The following SEC61A2 variants were observed in gnomAD, a reference collection of about 807,000 sequenced individuals.
The protein encoded by SEC61A2 is SEC61 translocon subunit alpha 2.
In SEC61A2, 28 loss-of-function variants were observed where a neutral mutation model predicts 59.9. The ratio of observed to expected loss-of-function variants is 0.47; its 90% CI spans 0.35 to 0.64. The LOEUF (loss-of-function observed/expected upper bound fraction) is 0.64, where lower values mean the gene tolerates loss of function less well. Among genes scored for constraint, SEC61A2 ranks in the 30% least tolerant of loss-of-function variants. The pLI is 0.01. For missense variants in SEC61A2, 340 were observed against 585.9 expected (o/e 0.58, Z 4.33); for synonymous variants, 202 against 214.4 (o/e 0.94, Z 0.50).
Position 12,149,583 on chromosome 10 carries a change from C to T in SEC61A2, c.221-12C>T, listed in dbSNP as rs539649415. On this transcript the variant is annotated splice_polypyrimidine_tract_variant and intron_variant, in intron 4 of 11. Transcript: ENST00000298428. This position sits in a 1 kb window ranked among gnomAD's most constrained non-coding sequence, Gnocchi z 5.2. The stretch of plus-strand genomic sequence containing the variant: ...AGCAAACATTGCACACTTCTCTCCC[C>T]TTCCTTTCCAGGAACTTTAATGGAA... 12 of 1,597,160 alleles carry T rather than the reference C, an allele frequency of 7.5e-6. No homozygotes were observed. The South Asian group carries it at 8.0e-5, about 11-fold the overall frequency.
intron 4 of SEC61A2, among the ~76,000 whole-genome samples, chr10:12,147,227 C>A (rs144721519): frequency 6.1e-4 from 93 of 152,262 alleles, no homozygotes; most frequent in Admixed American, 1.6e-3. Flanking sequence ...TGCCTTTTGC[C>A]ACGTGGAAGT....
intron 4 of SEC61A2, among the ~76,000 whole-genome samples, chr10:12,147,520 A>T (rs1171914607): frequency 6.6e-6 from 1 of 152,066 alleles, no homozygotes; most frequent in Admixed American, 6.6e-5. Flanking sequence ...CCCCATCTCT[A>T]CCAAAAATAC....
chr10:12,131,750 G>A (rs1833743944), intron 1 of SEC61A2, among the ~76,000 whole-genome samples: 1 of 131,806 alleles, frequency 7.6e-6, no homozygotes, highest in Non-Finnish European at 1.6e-5. Flanking sequence ...GAGTGCAATG[G>A]CTCCATCCGG....
At position 12,164,230 on chromosome 10, in the gene SEC61A2, G is replaced by T. The variant is rs1834608616; in HGVS notation, c.1245-38G>T. On this transcript the variant is annotated intron_variant, in intron 11 of 11. Transcript: ENST00000298428. The surrounding 1 kb of genome is among the most constrained non-coding windows in gnomAD (Gnocchi z 7.3). The stretch of plus-strand genomic sequence containing the variant: ...GTCTCTAGCTGCCGTGCTGTTCCTG[G>T]TCTCTGCTGCCGCCTAACTTGGGGT... The T allele has an allele frequency of 1.9e-6, 3 of 1,608,614 alleles. No individual in the cohort carries two copies. The highest frequency in any genetic ancestry group is 8.5e-7 in the Non-Finnish European group (1 of 1,178,840).
intron 2 of SEC61A2, among the ~76,000 whole-genome samples, chr10:12,133,810 A>G (rs1328098148): frequency 6.6e-6 from 1 of 152,224 alleles, no homozygotes; most frequent in Non-Finnish European, 1.5e-5. Flanking sequence ...AGATATTGTG[A>G]CTGGGTCAAA....
rs1018430364 is a variant in SEC61A2, at chr10:12,152,437, T to C, written c.462+2476T>C. ...TTTGGAAGCTTTCTGATCCCCAGTG[T>C]GTTCGCATTTGGTAGAAGATACGTT... On this transcript the variant is annotated intron_variant, in intron 6 of 11. Transcript: ENST00000298428. This position sits in a 1 kb window ranked among gnomAD's most constrained non-coding sequence, Gnocchi z 5.5. Among the ~76,000 whole-genome samples, 3 of 152,184 alleles carry C rather than the reference T, an allele frequency of 2.0e-5. No individual in the cohort carries two copies. The highest frequency in any genetic ancestry group is 4.4e-5 in the Non-Finnish European group (3 of 68,032).
At position 12,150,017 on chromosome 10, in the gene SEC61A2, C is replaced by T. The variant is rs574751734; in HGVS notation, c.462+56C>T. 9 of 1,189,960 alleles carry T rather than the reference C, an allele frequency of 7.6e-6. No homozygotes were observed. The East Asian group carries it at 1.2e-4, about 16-fold the overall frequency. The allele number at this position is 1,189,960 out of a possible 1,614,324, so 73.7% of individuals were successfully genotyped here. On this transcript the variant is annotated intron_variant, in intron 6 of 11. Coordinates refer to ENST00000298428, the MANE Select transcript of SEC61A2 (RefSeq NM_018144.4). ...AACAAAACAGTTTGATTCCTTTTTC[C>T]TTTTCTAACAGTTCTTTAGGTGATT...
Position 12,149,999 on chromosome 10 carries a change from C to A in SEC61A2, c.462+38C>A. On this transcript the variant is annotated intron_variant, in intron 6 of 11. Coordinates refer to ENST00000298428, the MANE Select transcript of SEC61A2 (RefSeq NM_018144.4). The surrounding 1 kb of genome is among the most constrained non-coding windows in gnomAD (Gnocchi z 5.2). ...ATATTTTCCTATGCAGATAACAAAACAGTTTGATTCCTTTTTCCTTTTCTA... is the reference window on the plus strand; with the variant it reads ...ATATTTTCCTATGCAGATAACAAAAAAGTTTGATTCCTTTTTCCTTTTCTA... The A allele has an allele frequency of 7.4e-7, 1 of 1,350,796 alleles. No homozygotes were observed. The highest frequency in any genetic ancestry group is 1.4e-5 in the African/African-American group (1 of 69,684). 83.7% of individuals were successfully genotyped at this position (1,350,796 alleles called of 1,614,324 possible).
At chr10:12,151,010 C>G (rs1834259069) in intron 6 of SEC61A2, among the ~76,000 whole-genome samples, 2 of 151,730 alleles carry the variant, frequency 1.3e-5, no homozygotes, top group African/African-American at 2.4e-5. Flanking sequence ...CTCCTGACCT[C>G]GTGATTCGCC....
At position 12,133,175 on chromosome 10, in the gene SEC61A2, T is replaced by C. The variant is rs1833802357; in HGVS notation, c.8-66T>C. 13 of 811,600 alleles carry C rather than the reference T, an allele frequency of 1.6e-5. No homozygotes were observed. In the South Asian group the frequency reaches 2.2e-4, roughly 14 times the overall value. The allele number at this position is 811,600 out of a possible 1,614,324, so 50.3% of individuals were successfully genotyped here. ...GAAAGAGAATCTTTGTATTTGATTT[T>C]CTAGAAAGACAGATCTTTTTTTAAC... On this transcript the variant is annotated intron_variant, in intron 1 of 11. Transcript: ENST00000298428.
At chr10:12,157,370 T>C (rs1834422658) in intron 8 of SEC61A2, among the ~76,000 whole-genome samples, 1 of 152,016 alleles carries the variant, frequency 6.6e-6, no homozygotes, top group Non-Finnish European at 1.5e-5. Context: ...AGTTTTGCTC[T>C]TGTTGCCCAG....
At chr10:12,132,730 G>C (rs1259842480) in intron 1 of SEC61A2, among the ~76,000 whole-genome samples, 1 of 151,974 alleles carries the variant, frequency 6.6e-6, no homozygotes, top group Non-Finnish European at 1.5e-5. Flanking sequence ...CCCATTTGCC[G>C]TTGTGCTTCC....
In SEC61A2 at chr10:12,145,635, C is replaced by G. The variant is rs573030300; in HGVS notation, c.220+2440C>G. Reference sequence around the variant, plus strand: ...TGGAGTTTTATTAGTGTGTTAGATTCCTTTTGTTGTAAGTAATAGGAAACT... The same window carrying G: ...TGGAGTTTTATTAGTGTGTTAGATTGCTTTTGTTGTAAGTAATAGGAAACT... On this transcript the variant is annotated intron_variant, in intron 4 of 11. Transcript: ENST00000298428. The surrounding 1 kb of genome is among the most constrained non-coding windows in gnomAD (Gnocchi z 4.4). 6.6e-6 allele frequency among the ~76,000 whole-genome samples: 1 copy of G among 152,056 alleles called. No homozygotes were observed. The highest frequency in any genetic ancestry group is 1.5e-5 in the Non-Finnish European group (1 of 68,002).
rs978561679 is a variant in SEC61A2 at position 12,154,822 on chromosome 10, G to C, written c.463-956G>C. On this transcript the variant is annotated intron_variant, in intron 6 of 11. Coordinates refer to ENST00000298428, the MANE Select transcript of SEC61A2 (RefSeq NM_018144.4). This position sits in a 1 kb window ranked among gnomAD's most constrained non-coding sequence, Gnocchi z 5.2. Reference sequence around the variant, plus strand: ...CAGCAGGTGATATTGGATAAAGTGAGTACAAAATGAGGGTGGGCGGCTTGA... The same window carrying C: ...CAGCAGGTGATATTGGATAAAGTGACTACAAAATGAGGGTGGGCGGCTTGA... 1.3e-5 allele frequency among the ~76,000 whole-genome samples: 2 copies of C among 152,168 alleles called. No homozygotes were observed. Among genetic ancestry groups the C allele is most frequent in the African/African-American group, 4.8e-5 (2 of 41,438 alleles).
Position 12,158,495 on chromosome 10 carries a change from C to T in SEC61A2, c.975+390C>T, listed in dbSNP as rs763246785. ...CCTGTAATCCCAGGACTTTGGGAGG[C>T]TGAGGTGGGTGGATCACCTGAGGTC... On this transcript the variant is annotated intron_variant, in intron 9 of 11. Coordinates refer to ENST00000298428, the MANE Select transcript of SEC61A2 (RefSeq NM_018144.4). The surrounding 1 kb of genome is among the most constrained non-coding windows in gnomAD (Gnocchi z 5.7). Among the ~76,000 whole-genome samples the T allele has an allele frequency of 4.6e-5, 7 of 152,124 alleles. No individual in the cohort carries two copies. Among genetic ancestry groups the T allele is most frequent in the Non-Finnish European group, 8.8e-5 (6 of 68,010 alleles).
At chr10:12,131,603 A>T (rs1383512766) in intron 1 of SEC61A2, among the ~76,000 whole-genome samples, 1 of 151,232 alleles carries the variant, frequency 6.6e-6, no homozygotes, top group East Asian at 2.0e-4. Context: ...ATTTTACACA[A>T]GCAAGTACTT....
chr10:12,152,458 A>G lies in SEC61A2; in HGVS notation c.462+2497A>G, dbSNP rs1426455628. On this transcript the variant is annotated intron_variant, in intron 6 of 11. Coordinates refer to ENST00000298428, the MANE Select transcript of SEC61A2 (RefSeq NM_018144.4). This position sits in a 1 kb window ranked among gnomAD's most constrained non-coding sequence, Gnocchi z 5.5. Reference sequence around the variant, plus strand: ...AGTGTGTTCGCATTTGGTAGAAGATACGTTTCCTTAAAGAATAACTGTCAG... The same window carrying G: ...AGTGTGTTCGCATTTGGTAGAAGATGCGTTTCCTTAAAGAATAACTGTCAG... Among the ~76,000 whole-genome samples the G allele has an allele frequency of 2.0e-5, 3 of 152,202 alleles. No homozygotes were observed. The highest frequency in any genetic ancestry group is 7.2e-5 in the African/African-American group (3 of 41,460).
intron 4 of SEC61A2, among the ~76,000 whole-genome samples, chr10:12,148,508 G>T (rs1476016973): frequency 6.6e-6 from 1 of 151,538 alleles, no homozygotes; most frequent in Non-Finnish European, 1.5e-5. Context: ...GCCTCCCAAA[G>T]TGCTGGGATT....
Position 12,143,915 on chromosome 10 carries a change from T to C in SEC61A2, c.220+720T>C, listed in dbSNP as rs1402889923. On this transcript the variant is annotated intron_variant, in intron 4 of 11. Coordinates refer to ENST00000298428, the MANE Select transcript of SEC61A2 (RefSeq NM_018144.4). The surrounding 1 kb of genome is among the most constrained non-coding windows in gnomAD (Gnocchi z 4.8). ...TTAGGAACAGTGGTTGCCTCTTTTT[T>C]GGAAACACTTTTTTCAGGCGATCCT... Among the ~76,000 whole-genome samples the C allele has an allele frequency of 6.6e-6, 1 of 152,180 alleles. No individual in the cohort carries two copies.
Sources: allele counts gnomAD v4.1 joint callset (sites outside exome capture counted in the v4.1 genomes callset), GRCh38; gene constraint gnomAD v4.1.1; non-coding constraint Gnocchi (gnomAD v3.1); transcripts MANE v1.5; gene names NCBI Gene and HGNC (gene_info 2026-07-23, HGNC 2026-07-21).